Variants in TTC6 observed in about 807,000 individuals in gnomAD.
TTC6 encodes the protein tetratricopeptide repeat protein 6.
Under a neutral mutation model 210.4 loss-of-function variants are expected in TTC6, and 172 were observed. That is an observed-to-expected ratio of 0.82 (90% confidence interval 0.72 to 0.93). The LOEUF is 0.93. Ranked by LOEUF, TTC6 falls within the 40% of genes least tolerant of loss-of-function variation. The pLI, the probability that TTC6 is intolerant of heterozygous loss-of-function variation, is 0.00. For missense variants in TTC6, 2,414 were observed against 2,318.1 expected (o/e 1.04, Z -0.85); for synonymous variants, 804 against 819.6 (o/e 0.98, Z 0.32).
At chr14:37,834,180 T>C (rs955100254) in intron 29 of TTC6, among the ~76,000 whole-genome samples, 1 of 152,160 alleles carries the variant, frequency 6.6e-6, no homozygotes, top group Non-Finnish European at 1.5e-5. Context: ...CCTTTTTGGG[T>C]TGAATCTATC....
chr14:37,770,097 A>G (rs994062886), intron 14 of TTC6, among the ~76,000 whole-genome samples: 3 of 152,112 alleles, frequency 2.0e-5, no homozygotes, highest in South Asian at 4.2e-4. Flanking sequence ...TTCAGTTTCC[A>G]TGTAGTTGAG....
At chr14:37,818,719 T>C (rs12898186) in intron 26 of TTC6, among the ~76,000 whole-genome samples, 137,517 of 152,090 alleles carry the variant, frequency 0.9, 62,412 homozygotes, top group Non-Finnish European at 0.95. Flanking sequence ...GTTAAAAGGC[T>C]TAAACTGGTC....
chr14:37,644,415 C>A (rs2095697926), intron 1 of TTC6, among the ~76,000 whole-genome samples: 1 of 152,118 alleles, frequency 6.6e-6, no homozygotes, highest in South Asian at 2.1e-4. Context: ...GTATTCTGGC[C>A]AGCAGGAAAG....
chr14:37,790,647 A>G (rs995145886), intron 15 of TTC6, 70 bp from the exon 18 acceptor site: 1 of 1,278,940 alleles, frequency 7.8e-7, no homozygotes, highest in Non-Finnish European at 1.1e-6. Context: ...GGAAGTTTAC[A>G]GACTAAAGTA....
rs377117749 is a variant in TTC6 at position 37,672,821 on chromosome 14, A to ATTTTT, written c.940-7315_940-7311dup. Among the ~76,000 whole-genome samples, 226 of 128,968 alleles carry ATTTTT rather than the reference A, an allele frequency of 1.8e-3. 4 individuals carry two copies. Among genetic ancestry groups the ATTTTT allele is most frequent in the African/African-American group, 5.9e-3 (192 of 32,454 alleles). 84.6% of individuals were successfully genotyped at this position (128,968 alleles called of 152,430 possible). A position where few individuals can be genotyped will look rare whatever the true frequency, so the allele number is the denominator to read the frequency against. On this transcript the variant is annotated intron_variant, in intron 1 of 30. Coordinates refer to ENST00000553443, the Ensembl canonical transcript of TTC6. ...TAAGCAAGCTTTTCATGAATTCCTCATTTTTTTTTTTTTTTTTTTACTAAA... is the reference window on the plus strand; with the variant it reads ...TAAGCAAGCTTTTCATGAATTCCTCATTTTTTTTTTTTTTTTTTTTTTTTACTAAA...
At chr14:37,823,321 T>C (rs1388080661) in intron 26 of TTC6, among the ~76,000 whole-genome samples, 1 of 152,210 alleles carries the variant, frequency 6.6e-6, no homozygotes, top group Non-Finnish European at 1.5e-5. Context: ...AATCTGGCTG[T>C]TTTCATTGTA....
intron 10 of TTC6, among the ~76,000 whole-genome samples, chr14:37,739,499 G>T (rs1595178196): frequency 6.6e-6 from 1 of 151,116 alleles, no homozygotes; most frequent in Non-Finnish European, 1.5e-5. Context: ...AACCTGGGAG[G>T]TGGAGGTTGC....
At chr14:37,605,565 G>A (rs537863185) in intron 1 of TTC6, among the ~76,000 whole-genome samples, 7 of 152,294 alleles carry the variant, frequency 4.6e-5, no homozygotes, top group African/African-American at 1.7e-4. Flanking sequence ...ACTTGGGAGA[G>A]CTGTTAGTTT....
intron 14 of TTC6, 141 bp downstream of exon 16, chr14:37,753,376 T>C: frequency 1.4e-6 from 1 of 729,380 alleles, no homozygotes; most frequent in Non-Finnish European, 2.1e-6. Context: ...AAATGAAAAA[T>C]CCTTGCTTAC....
At chr14:37,617,550 A>G (rs1266216467), upstream of TTC6, among the ~76,000 whole-genome samples, 1 of 152,182 alleles carries the variant, frequency 6.6e-6, no homozygotes, top group African/African-American at 2.4e-5. Flanking sequence ...ACAAGTATAG[A>G]AAGTGCAGAA....
intron 7 of TTC6, among the ~76,000 whole-genome samples, chr14:37,729,340 A>G (rs1595163096): frequency 6.6e-6 from 1 of 152,336 alleles, no homozygotes; most frequent in African/African-American, 2.4e-5. Context: ...AATTTGCATA[A>G]GTCAATATGG....
chr14:37,634,709 GA>G (rs959409545), intron 1 of TTC6, among the ~76,000 whole-genome samples: 22 of 152,196 alleles, frequency 1.4e-4, no homozygotes, highest in African/African-American at 5.1e-4. Flanking sequence ...TAAAGTCAAA[GA>G]AACAAAAATT....
At chr14:37,685,810 G>T (rs145346296) in intron 3 of TTC6, among the ~76,000 whole-genome samples, 2,031 of 152,256 alleles carry the variant, frequency 0.013, 28 homozygotes, top group Non-Finnish European at 0.02. Flanking sequence ...TGGGAGAGGT[G>T]CCAATGCCTG....
intron 20 of TTC6, among the ~76,000 whole-genome samples, chr14:37,803,690 A>G (rs931359209): frequency 6.6e-6 from 1 of 152,120 alleles, no homozygotes; most frequent in African/African-American, 2.4e-5. Flanking sequence ...CTCTGCAAGG[A>G]ATGAGAAAGA....
intron 6 of TTC6, among the ~76,000 whole-genome samples, chr14:37,722,955 GTC>G (rs1289968738): frequency 6.6e-6 from 1 of 152,056 alleles, no homozygotes; most frequent in Non-Finnish European, 1.5e-5. Context: ...TAGGAAGTGT[GTC>G]TATTCTTCTC....
intron 21 of TTC6, among the ~76,000 whole-genome samples, 172 bp downstream of exon 23, chr14:37,804,986 AT>A (rs1230466554): frequency 2.0e-5 from 3 of 152,306 alleles, no homozygotes; most frequent in Admixed American, 6.5e-5. Flanking sequence ...ACATTGTTTT[AT>A]TTAATCAACA....
intron 1 of TTC6, among the ~76,000 whole-genome samples, chr14:37,635,053 T>C (rs536222284): frequency 1.4e-3 from 208 of 152,348 alleles, no homozygotes; most frequent in South Asian, 7.3e-3. Flanking sequence ...AAACTATGGC[T>C]ACATACAATA....
chr14:37,649,794 T>C (rs2095707912), intron 1 of TTC6, among the ~76,000 whole-genome samples: 1 of 152,234 alleles, frequency 6.6e-6, no homozygotes, highest in African/African-American at 2.4e-5. Flanking sequence ...GTAACTCATT[T>C]GCCAAGGCAA....
At chr14:37,735,833 A>G in intron 7 of TTC6, 88 bp from the exon 10 acceptor site, 2 of 701,040 alleles carry the variant, frequency 2.9e-6, no homozygotes, top group Non-Finnish European at 4.5e-6. Context: ...TCTTTTGTTA[A>G]TAATGTTGTA....
Sources: gnomAD v4.1 joint callset for allele counts (sites outside exome capture counted in the v4.1 genomes callset) on GRCh38, gnomAD v4.1.1 for gene constraint, MANE v1.5 for transcripts, NCBI Gene and HGNC (gene_info 2026-07-23, HGNC 2026-07-21) for gene names.